LTBP1: variants seen among roughly 807,000 people sequenced by gnomAD.
LTBP1 encodes the protein latent-transforming growth factor beta-binding protein 1.
A neutral mutation model predicts 207.6 loss-of-function variants in LTBP1; 129 were observed. The observed-to-expected ratio is 0.62, with a 90% confidence interval of 0.54 to 0.72. The LOEUF is 0.72. Among genes scored for constraint, LTBP1 ranks in the 30% least tolerant of loss-of-function variants. LTBP1 has a pLI of 0.00. For missense variants in LTBP1, 2,281 were observed against 2,217.2 expected, an observed-to-expected ratio of 1.03 and a Z score of -0.58; for synonymous variants, 963 against 833.7, an observed-to-expected ratio of 1.16 and a Z score of -2.67.
At chr2:33,398,338 T>C (rs1356233113) in intron 33 of LTBP1, 26 bp from the exon 34 acceptor site, 2 of 1,604,730 alleles carry the variant, frequency 1.2e-6, no homozygotes, top group South Asian at 1.1e-5. Flanking sequence ...CAAGATTGTT[T>C]ACCTGCATGG....
At chr2:33,102,863 T>C (rs571656263) in intron 3 of LTBP1, among the ~76,000 whole-genome samples, 1 of 152,288 alleles carries the variant, frequency 6.6e-6, no homozygotes, top group South Asian at 2.1e-4. Flanking sequence ...GCACTGTCTG[T>C]ATGCACAATC....
At chr2:33,202,122 A>C (rs2089373836) in intron 7 of LTBP1, among the ~76,000 whole-genome samples, 1 of 152,096 alleles carries the variant, frequency 6.6e-6, no homozygotes, top group African/African-American at 2.4e-5. Flanking sequence ...TTAAAAGAAT[A>C]AGCTTAATGG....
intron 2 of LTBP1, among the ~76,000 whole-genome samples, chr2:33,017,057 ATATT>A (rs1249934571): frequency 6.6e-6 from 1 of 152,192 alleles, no homozygotes; most frequent in African/African-American, 2.4e-5. Context: ...TTCTGTGACA[ATATT>A]TATAATATTC....
At chr2:33,302,541 A>C (rs1006476516) in intron 22 of LTBP1, among the ~76,000 whole-genome samples, 2 of 152,102 alleles carry the variant, frequency 1.3e-5, no homozygotes, top group Non-Finnish European at 2.9e-5. Context: ...CAGCATCTAC[A>C]TTTCTGACCA....
chr2:33,223,168 C>T (rs2091230248), intron 9 of LTBP1, among the ~76,000 whole-genome samples: 1 of 152,106 alleles, frequency 6.6e-6, no homozygotes, highest in African/African-American at 2.4e-5. Context: ...ATCTTGATTA[C>T]CTGAGAATTT....
chr2:33,175,309 A>G (rs1372916534), intron 5 of LTBP1, among the ~76,000 whole-genome samples: 5 of 152,080 alleles, frequency 3.3e-5, no homozygotes, highest in Admixed American at 6.5e-5. Flanking sequence ...ACAAATTTAC[A>G]AGAAAAAAAC....
intron 20 of LTBP1, among the ~76,000 whole-genome samples, chr2:33,298,092 C>T (rs75953511): frequency 6.5e-4 from 99 of 152,208 alleles, no homozygotes; most frequent in African/African-American, 2.2e-3. Flanking sequence ...ATTCTTGGCA[C>T]AAAAGAAAGA....
At chr2:33,341,701 A>G (rs55802418) in intron 24 of LTBP1, among the ~76,000 whole-genome samples, 2,202 of 130,034 alleles carry the variant, frequency 0.017, 33 homozygotes, top group Non-Finnish European at 0.025. Flanking sequence ...ACAGAGTGAG[A>G]CTCCGTCTCA....
intron 5 of LTBP1, among the ~76,000 whole-genome samples, chr2:33,148,996 C>T (rs921813943): frequency 5.9e-5 from 9 of 151,986 alleles, no homozygotes; most frequent in African/African-American, 2.2e-4. Context: ...AGGCGGATCA[C>T]GAGGTCAGGA....
chr2:33,340,594 C>G (rs2149637274), intron 24 of LTBP1, among the ~76,000 whole-genome samples: 1 of 152,158 alleles, frequency 6.6e-6, no homozygotes, highest in South Asian at 2.1e-4. Context: ...TAGTGATGAG[C>G]TGGTCACTGG....
chr2:33,172,929 A>G (rs1251834404), intron 5 of LTBP1, among the ~76,000 whole-genome samples: 1 of 152,198 alleles, frequency 6.6e-6, no homozygotes, highest in Non-Finnish European at 1.5e-5. Flanking sequence ...AAATGAAGGC[A>G]GAAATAAAGA....
chr2:33,392,437 G>A (rs142317039), intron 32 of LTBP1, among the ~76,000 whole-genome samples: 1 of 152,218 alleles, frequency 6.6e-6, no homozygotes, highest in African/African-American at 2.4e-5. Context: ...CACCTGCCTT[G>A]GCCTTCCAAA....
At chr2:33,393,569 G>A (rs2095334792) in intron 32 of LTBP1, among the ~76,000 whole-genome samples, 1 of 151,428 alleles carries the variant, frequency 6.6e-6, no homozygotes, top group Admixed American at 6.6e-5. Flanking sequence ...GCAATAGTTT[G>A]CTGAGAATGA....
intron 24 of LTBP1, among the ~76,000 whole-genome samples, chr2:33,330,536 C>A (rs547172117): frequency 1.3e-5 from 2 of 150,780 alleles, no homozygotes; most frequent in African/African-American, 4.9e-5. Flanking sequence ...CCTTATATAT[C>A]TAGTTTGCTA....
At chr2:33,395,906 TA>T (rs200823804) in intron 32 of LTBP1, among the ~76,000 whole-genome samples, 4,801 of 88,136 alleles carry the variant, frequency 0.054, 271 homozygotes, top group African/African-American at 0.22. Context: ...TCTAGCCATA[TA>T]TTTTTTTTTT....
chr2:33,282,696 A>G (rs978272904), intron 19 of LTBP1, among the ~76,000 whole-genome samples: 2 of 152,182 alleles, frequency 1.3e-5, no homozygotes, highest in Non-Finnish European at 2.9e-5. Context: ...ATAACTGGAT[A>G]TATATTCATT....
rs148622840 is a variant in LTBP1, at chr2:33,280,109, G to T, written c.3063G>T (p.Gln1021His). The change falls in exon 19 of 34, where the codon CAG (glutamine) becomes CAT (histidine). Residue 1021 changes from glutamine (Q) to histidine (H), a missense_variant. By Grantham distance (24) the Gln-to-His change is conservative. Coordinates refer to ENST00000404816, the MANE Select transcript of LTBP1 (RefSeq NM_206943.4). ...GTGTGAATTCTCCTGGATCTTACCA[G>T]TGCGTTCCCTGCACAGAAGGATTCC... Reference protein sequence around the residue: ...EQCVNSPGSYQCVPCTEGFRG... With the variant: ...EQCVNSPGSYHCVPCTEGFRG... 1,714 of 1,614,154 alleles carry T rather than the reference G, an allele frequency of 1.1e-3. 1 individual carries two copies. Among genetic ancestry groups the T allele is most frequent in the Non-Finnish European group, 1.4e-3 (1,619 of 1,179,980 alleles).
At chr2:33,245,474 T>C (rs867398102) in intron 10 of LTBP1, among the ~76,000 whole-genome samples, 3 of 152,256 alleles carry the variant, frequency 2.0e-5, no homozygotes, top group Non-Finnish European at 4.4e-5. Context: ...AACTGTCAAC[T>C]GCAGATTAGG....
intron 4 of LTBP1, among the ~76,000 whole-genome samples, chr2:33,116,252 G>C (rs1336692644): frequency 6.6e-6 from 1 of 152,190 alleles, no homozygotes; most frequent in Admixed American, 6.5e-5. Context: ...TTAGAAATCT[G>C]AACTTCTCTA....
Sources: gnomAD v4.1 joint callset for allele counts (sites outside exome capture counted in the v4.1 genomes callset) on GRCh38, gnomAD v4.1.1 for gene constraint, MANE v1.5 for transcripts, NCBI Gene and HGNC (gene_info 2026-07-23, HGNC 2026-07-21) for gene names.